The following LRRK1 variants were observed in gnomAD, a reference collection of about 807,000 sequenced individuals.
The protein encoded by LRRK1 is leucine-rich repeat serine/threonine-protein kinase 1.
In LRRK1, 113 loss-of-function variants were observed where a neutral mutation model predicts 209.1. The ratio of observed to expected loss-of-function variants is 0.54; its 90% CI spans 0.46 to 0.63. The LOEUF (loss-of-function observed/expected upper bound fraction) is 0.63. LRRK1 is among the 30% of genes least tolerant of loss of function. LRRK1 has a pLI of 0.00. For missense variants in LRRK1, 2,284 were observed against 2,632.2 expected, an observed-to-expected ratio of 0.87 and a Z score of 2.89; for synonymous variants, 1,144 against 1,099.7, an observed-to-expected ratio of 1.04 and a Z score of -0.80.
At chr15:101,020,980 G>GC in intron 12 of LRRK1, 73 bp from the exon 13 acceptor site, 1 of 1,572,212 alleles carries the variant, frequency 6.4e-7, no homozygotes, top group Non-Finnish European at 8.7e-7. Flanking sequence ...CAGTTTATAC[G>GC]CCCACCTGGT....
Position 101,011,992 on chromosome 15 carries a change from C to G in LRRK1, c.1282-16C>G, listed in dbSNP as rs201882043. ...AGCTAACTAATATACATTTTTTTTT[C>G]TCGTCAATCTCTTAGAAATGTTGTA... is the stretch of plus-strand genomic sequence containing the variant. On this transcript the variant is annotated splice_polypyrimidine_tract_variant and intron_variant, in intron 9 of 33. Transcript: ENST00000388948. 2.6e-5 allele frequency: 40 copies of G among 1,562,514 alleles called. No homozygotes were observed. Among genetic ancestry groups the G allele is most frequent in the Non-Finnish European group, 3.2e-5 (37 of 1,156,120 alleles).
intron 2 of LRRK1, among the ~76,000 whole-genome samples, chr15:100,934,435 A>G (rs2042259554): frequency 6.6e-6 from 1 of 152,210 alleles, no homozygotes; most frequent in Non-Finnish European, 1.5e-5. Flanking sequence ...TGCTGGGGAC[A>G]CAGCAGGAGT....
chr15:101,052,877 C>T (rs2035545239), intron 24 of LRRK1, 45 bp from the exon 25 acceptor site: 3 of 1,584,662 alleles, frequency 1.9e-6, no homozygotes, highest in African/African-American at 2.7e-5. Flanking sequence ...GACCCACCCG[C>T]ATCAGGGCGG....
chr15:101,062,412 G>A (rs1032653422), intron 30 of LRRK1, 162 bp from the exon 31 acceptor site: 17 of 593,024 alleles, frequency 2.9e-5, no homozygotes, highest in African/African-American at 7.4e-5. Context: ...TTTCTACAAA[G>A]AGCAGAAATC....
chr15:100,940,387 C>T (rs28367442), intron 2 of LRRK1, among the ~76,000 whole-genome samples: 29,330 of 152,050 alleles, frequency 0.19, 3,037 homozygotes, highest in South Asian at 0.29. Flanking sequence ...GTTTCTGAAA[C>T]TCTCATTAGA....
At chr15:101,051,640 C>G in intron 23 of LRRK1, 71 bp from the exon 24 acceptor site, 2 of 1,496,836 alleles carry the variant, frequency 1.3e-6, no homozygotes, top group Non-Finnish European at 8.9e-7. Flanking sequence ...GCCTGGGGTG[C>G]AGAGTGCTGC....
chr15:101,038,035 C>T (rs1185532439), intron 20 of LRRK1, among the ~76,000 whole-genome samples: 1 of 152,154 alleles, frequency 6.6e-6, no homozygotes, highest in African/African-American at 2.4e-5. Context: ...GAATACTACT[C>T]AGCCATATAA....
intron 2 of LRRK1, among the ~76,000 whole-genome samples, chr15:100,941,376 G>GTA (rs2042416722): frequency 6.6e-6 from 1 of 151,524 alleles, no homozygotes. Context: ...GCCTGTATGT[G>GTA]TGTGTCTGTG....
At chr15:101,028,603 A>C (rs1490031250) in intron 19 of LRRK1, among the ~76,000 whole-genome samples, 1 of 152,238 alleles carries the variant, frequency 6.6e-6, no homozygotes, top group Non-Finnish European at 1.5e-5. Flanking sequence ...GGTCAATGCA[A>C]ATTTTTCACC....
chr15:100,927,500 C>T (rs896132538), intron 2 of LRRK1, among the ~76,000 whole-genome samples: 3 of 152,132 alleles, frequency 2.0e-5, no homozygotes, highest in South Asian at 2.1e-4. Context: ...AGGACCCTGA[C>T]GTGACCTCAG....
At chr15:101,058,872 G>C (rs984196878) in intron 29 of LRRK1, among the ~76,000 whole-genome samples, 1 of 152,144 alleles carries the variant, frequency 6.6e-6, no homozygotes, top group Non-Finnish European at 1.5e-5. Flanking sequence ...TGCTTGCCGT[G>C]GGGTGGGTGG....
At chr15:101,048,856 C>T (rs2035231865) in intron 22 of LRRK1, among the ~76,000 whole-genome samples, 199 bp downstream of exon 22, 2 of 152,236 alleles carry the variant, frequency 1.3e-5, no homozygotes, top group South Asian at 4.1e-4. Flanking sequence ...CTGCTGAGCC[C>T]CCCTTGCAGG....
intron 16 of LRRK1, among the ~76,000 whole-genome samples, chr15:101,025,625 G>A (rs2033993658): frequency 6.6e-6 from 1 of 152,194 alleles, no homozygotes; most frequent in Admixed American, 6.5e-5. Context: ...GAGGGAGCAG[G>A]AGAGACAGGA....
At chr15:100,924,085 G>C (rs556134844) in intron 1 of LRRK1, among the ~76,000 whole-genome samples, 1 of 152,336 alleles carries the variant, frequency 6.6e-6, no homozygotes, top group Admixed American at 6.5e-5. Flanking sequence ...GGCAAAAGGA[G>C]AGCCTTGTAT....
At chr15:100,962,483 T>C (rs1272672088) in intron 2 of LRRK1, among the ~76,000 whole-genome samples, 4 of 151,976 alleles carry the variant, frequency 2.6e-5, no homozygotes, top group Non-Finnish European at 5.9e-5. Flanking sequence ...TGAGCTGAGA[T>C]CACAGCACTG....
At position 101,062,686 on chromosome 15, in the gene LRRK1, A is replaced by G. The variant is rs770281170; in HGVS notation, c.4910A>G (p.Lys1637Arg). The G allele has an allele frequency of 1.4e-4, 226 of 1,610,736 alleles. No homozygotes were observed. The highest frequency in any genetic ancestry group is 1.9e-4 in the Non-Finnish European group (222 of 1,176,972). ...VTCFLAVPVIKKNSYLVLAGL... is the reference protein window; with the variant it reads ...VTCFLAVPVIRKNSYLVLAGL... ...TGCTTCTTGGCCGTGCCTGTTATTA[A>G]AAAGGTGAGGTCGGGGCAAAGGCAG... Residue 1637 changes from lysine (K) to arginine (R), a missense_variant, in exon 31 of 34, where the codon AAA becomes AGA. Transcript: ENST00000388948.
rs553443908 is a variant in LRRK1, at chr15:101,054,813, A to G, written c.4055-133A>G. ...GGTGATAGAGGGAGACTCTGTCTCA[A>G]TAAAAGAAAAAAGAAAAAAAATCAT... On this transcript the variant is annotated intron_variant, in intron 26 of 33. Transcript: ENST00000388948. 3.6e-6 allele frequency: 3 copies of G among 825,432 alleles called. No homozygotes were observed. The Admixed American group carries it at 9.1e-5, about 25-fold the overall frequency. 51.1% of individuals were successfully genotyped at this position (825,432 alleles called of 1,614,324 possible).
In LRRK1 at chr15:100,964,263, C is replaced by A. The variant is rs192315615; in HGVS notation, c.98-9541C>A. Among the ~76,000 whole-genome samples the A allele has an allele frequency of 2.2e-3, 331 of 152,306 alleles. 4 individuals carry two copies. Among genetic ancestry groups the A allele is most frequent in the African/African-American group, 7.6e-3 (314 of 41,570 alleles). On this transcript the variant is annotated intron_variant, in intron 2 of 33. Transcript: ENST00000388948. The stretch of plus-strand genomic sequence containing the variant: ...TGGGTGACCCTCCCTCCTCTGCACA[C>A]CCCCAACCTCCACATCTTTCCCAAA...
chr15:100,979,508 A>G (rs764349979), intron 3 of LRRK1, among the ~76,000 whole-genome samples: 12 of 152,224 alleles, frequency 7.9e-5, no homozygotes, highest in Non-Finnish European at 1.5e-4. Context: ...AACTGTCTCT[A>G]TGTGTGGATC....
Sources: gnomAD v4.1 joint callset for allele counts (sites outside exome capture counted in the v4.1 genomes callset) on GRCh38, gnomAD v4.1.1 for gene constraint, MANE v1.5 for transcripts, NCBI Gene and HGNC (gene_info 2026-07-23, HGNC 2026-07-21) for gene names.